SULF2: variants seen among roughly 807,000 people sequenced by gnomAD.
The protein encoded by SULF2 is extracellular sulfatase Sulf-2.
In SULF2, 52 loss-of-function variants were observed where a neutral mutation model predicts 107.7. The observed-to-expected ratio is 0.48, with a 90% CI of 0.39 to 0.61. The LOEUF is 0.61. Ranked by LOEUF, SULF2 falls within the 20% of genes least tolerant of loss-of-function variation. The probability of loss-of-function intolerance (pLI) is 0.00; values close to 1 mark genes in which losing one functional copy is unlikely to be tolerated. For missense variants in SULF2, 993 were observed against 1,177.3 expected (o/e 0.84, Z 2.29); for synonymous variants, 460 against 464.3 (o/e 0.99, Z 0.12).
At chr20:47,719,055 G>A (rs1185552189) in intron 3 of SULF2, among the ~76,000 whole-genome samples, 1 of 152,154 alleles carries the variant, frequency 6.6e-6, no homozygotes, top group Admixed American at 6.5e-5. Flanking sequence ...TATGAATGAT[G>A]GTCCCTGGGA....
chr20:47,780,015 CTTTTTTTT>C (rs74178766), intron 1 of SULF2, among the ~76,000 whole-genome samples: 1 of 120,494 alleles, frequency 8.3e-6, no homozygotes, highest in Non-Finnish European at 1.7e-5. Context: ...CCCTAGTTGA[CTTTTTTTT>C]TTTTTTTTTT....
chr20:47,702,976 T>A (rs6094786), intron 3 of SULF2, among the ~76,000 whole-genome samples: 1 of 152,004 alleles, frequency 6.6e-6, no homozygotes, highest in Non-Finnish European at 1.5e-5. Context: ...AGTGCAATGG[T>A]ACGATCTTGG....
chr20:47,665,881 G>A lies in SULF2; in HGVS notation c.1878C>T (p.Asp626=), dbSNP rs200155418. ...DLYKSLQAWK[D]HKLHIDHEIE... Reference sequence around the variant, plus strand: ...CCTCGTGGTCGATGTGCAGCTTGTGGTCTTTCCAGGCCTGCAGGGACTTGT... The same window carrying A: ...CCTCGTGGTCGATGTGCAGCTTGTGATCTTTCCAGGCCTGCAGGGACTTGT... Residue 626 remains aspartate (D), a synonymous_variant, in exon 13 of 21, where the codon GAC becomes GAT. Transcript: ENST00000688720. 3.8e-5 allele frequency: 61 copies of A among 1,613,910 alleles called. No individual in the cohort carries two copies. The Admixed American group carries it at 5.0e-4, about 13-fold the overall frequency.
intron 3 of SULF2, among the ~76,000 whole-genome samples, chr20:47,729,619 T>C (rs1600591884): frequency 6.7e-6 from 1 of 150,116 alleles, no homozygotes; most frequent in Non-Finnish European, 1.5e-5. Flanking sequence ...GGTGCTAAGG[T>C]TTTGGCCTGA....
chr20:47,663,767 A>G, intron 15 of SULF2, 145 bp from the exon 16 acceptor site: 1 of 965,060 alleles, frequency 1.0e-6, no homozygotes, highest in South Asian at 1.7e-5. Context: ...CCCAAGTCCC[A>G]GTGCTGCTCC....
At chr20:47,701,164 A>G (rs2088555878) in intron 4 of SULF2, among the ~76,000 whole-genome samples, 2 of 152,252 alleles carry the variant, frequency 1.3e-5, no homozygotes, top group South Asian at 4.1e-4. Context: ...GAAAAAAGGC[A>G]GATGCAGAAG....
chr20:47,769,827 C>T lies in SULF2; in HGVS notation c.-100-12364G>A, dbSNP rs576453621. On this transcript the variant is annotated intron_variant, in intron 1 of 20. Transcript: ENST00000688720. ...GTGTAACTTTAAATAGGTTGGGTAG[C>T]GAAGGCCTGAGAGATGACAGTTGGG... is the stretch of plus-strand genomic sequence containing the variant. 1.8e-4 allele frequency among the ~76,000 whole-genome samples: 27 copies of T among 152,026 alleles called. 1 individual carries two copies. Among genetic ancestry groups the T allele is most frequent in the East Asian group, 3.9e-4 (2 of 5,168 alleles).
upstream of SULF2, chr20:47,785,497 C>A: frequency 6.5e-6 from 1 of 154,500 alleles, no homozygotes; most frequent in South Asian, 1.8e-4. Context: ...CCCCGGCGAG[C>A]GCTGCTGCTC....
chr20:47,716,033 T>C (rs758530550), intron 3 of SULF2, among the ~76,000 whole-genome samples: 1 of 152,168 alleles, frequency 6.6e-6, no homozygotes, highest in Non-Finnish European at 1.5e-5. Context: ...TGACTTCCAT[T>C]TGTGGATGTG....
At chr20:47,756,319 T>C (rs56338462) in intron 2 of SULF2, among the ~76,000 whole-genome samples, 40,294 of 152,100 alleles carry the variant, frequency 0.26, 6,017 homozygotes, top group Non-Finnish European at 0.34. Context: ...CAATAAAAGC[T>C]CTGGGCTCTG....
At chr20:47,752,849 C>T (rs1428565556) in intron 2 of SULF2, among the ~76,000 whole-genome samples, 1 of 152,028 alleles carries the variant, frequency 6.6e-6, no homozygotes, top group African/African-American at 2.4e-5. Context: ...CGCCTGCGAT[C>T]CCAGCATTTT....
At chr20:47,745,079 A>T (rs2089975759) in intron 2 of SULF2, among the ~76,000 whole-genome samples, 1 of 152,088 alleles carries the variant, frequency 6.6e-6, no homozygotes, top group Admixed American at 6.6e-5. Flanking sequence ...GAACTGCCGT[A>T]AATCACTGAC....
intron 1 of SULF2, among the ~76,000 whole-genome samples, chr20:47,779,914 C>T (rs974793578): frequency 4.0e-5 from 6 of 151,894 alleles, no homozygotes; most frequent in Admixed American, 2.6e-4. Context: ...GACAGTTATC[C>T]ATTTTATTTA....
At chr20:47,747,440 C>T (rs1030336390) in intron 2 of SULF2, among the ~76,000 whole-genome samples, 3 of 152,014 alleles carry the variant, frequency 2.0e-5, no homozygotes, top group African/African-American at 4.8e-5. Context: ...CTATGGTCAT[C>T]GTCAACCATA....
chr20:47,737,807 G>A (rs927611199), intron 2 of SULF2, among the ~76,000 whole-genome samples: 3 of 119,318 alleles, frequency 2.5e-5, no homozygotes, highest in African/African-American at 1.0e-4. Context: ...CTGTTGCCCA[G>A]GCTGGAGTGC....
At chr20:47,720,251 C>T (rs1241923465) in intron 3 of SULF2, among the ~76,000 whole-genome samples, 1 of 151,912 alleles carries the variant, frequency 6.6e-6, no homozygotes, top group Non-Finnish European at 1.5e-5. Flanking sequence ...CTGCACCTGG[C>T]CTTTATTTTA....
At chr20:47,747,492 G>A (rs1194615102) in intron 2 of SULF2, among the ~76,000 whole-genome samples, 1 of 152,096 alleles carries the variant, frequency 6.6e-6, no homozygotes, top group African/African-American at 2.4e-5. Flanking sequence ...GGCAGGGCTT[G>A]GGTGTAATTG....
chr20:47,732,454 A>G (rs539049733), intron 3 of SULF2, among the ~76,000 whole-genome samples: 50 of 152,288 alleles, frequency 3.3e-4, no homozygotes, highest in Admixed American at 3.1e-3. Flanking sequence ...ACACTGTACA[A>G]CTTTGACTTG....
At chr20:47,784,692 T>C (rs2090891047) in intron 1 of SULF2, among the ~76,000 whole-genome samples, 1 of 152,156 alleles carries the variant, frequency 6.6e-6, no homozygotes, top group Non-Finnish European at 1.5e-5. Context: ...GTAGAACGAA[T>C]GAACGAACTA....
Sources: gnomAD v4.1 joint callset for allele counts (sites outside exome capture counted in the v4.1 genomes callset) on GRCh38, gnomAD v4.1.1 for gene constraint, MANE v1.5 for transcripts, NCBI Gene and HGNC (gene_info 2026-07-23, HGNC 2026-07-21) for gene names.